Variants in SLC14A2 observed in about 807,000 individuals in gnomAD.
SLC14A2 encodes urea transporter 2.
SLC14A2 carries 91 observed loss-of-function variants against 104.6 expected under a neutral mutation model. The ratio of observed to expected loss-of-function variants is 0.87; its 90% confidence interval spans 0.73 to 1.04. The LOEUF is 1.04. SLC14A2 is among the 50% of genes least tolerant of loss of function. The pLI, the probability that SLC14A2 is intolerant of heterozygous loss-of-function variation, is 0.00. For missense variants in SLC14A2, 1,189 were observed against 1,156.0 expected, an observed-to-expected ratio of 1.03 and a Z score of -0.41; for synonymous variants, 476 against 466.4, an observed-to-expected ratio of 1.02 and a Z score of -0.27.
At chr18:45,314,562 T>A (rs974920010) in intron 1 of SLC14A2, among the ~76,000 whole-genome samples, 4 of 152,198 alleles carry the variant, frequency 2.6e-5, no homozygotes, top group African/African-American at 9.7e-5. Context: ...TATGACCCTA[T>A]GTCTGTTGCC....
chr18:45,480,608 C>A (rs2087473202), intron 1 of SLC14A2, among the ~76,000 whole-genome samples: 1 of 152,200 alleles, frequency 6.6e-6, no homozygotes, highest in Admixed American at 6.5e-5. Context: ...AACAAGCACA[C>A]ATTGAGATTA....
intron 16 of SLC14A2, among the ~76,000 whole-genome samples, chr18:45,671,318 T>C (rs934633460): frequency 2.6e-5 from 4 of 152,288 alleles, no homozygotes; most frequent in Non-Finnish European, 4.4e-5. Flanking sequence ...AAATTCAATT[T>C]TGTGGCATTA....
At chr18:45,432,864 G>T (rs980731338) in intron 1 of SLC14A2, among the ~76,000 whole-genome samples, 20 of 152,148 alleles carry the variant, frequency 1.3e-4, no homozygotes, top group African/African-American at 4.8e-4. Flanking sequence ...TTAGGGGCAA[G>T]AGTTTGTCTG....
At chr18:45,172,669 C>T in the SLC14A2 span, among the ~76,000 whole-genome samples, 1 of 151,988 alleles carries the variant, frequency 6.6e-6, no homozygotes, top group African/African-American at 2.4e-5. Context: ...TATTAGGAAA[C>T]CAAAACTCAG....
chr18:45,493,499 C>T (rs2043037592), intron 2 of SLC14A2, among the ~76,000 whole-genome samples: 1 of 152,158 alleles, frequency 6.6e-6, no homozygotes, highest in Admixed American at 6.5e-5. Flanking sequence ...CTAATACTAA[C>T]CCACTGTGTG....
At chr18:45,451,836 G>A (rs1052017314) in intron 1 of SLC14A2, among the ~76,000 whole-genome samples, 1 of 152,078 alleles carries the variant, frequency 6.6e-6, no homozygotes, top group African/African-American at 2.4e-5. Flanking sequence ...AAAAGACCAA[G>A]TACATTCTGT....
intron 1 of SLC14A2, among the ~76,000 whole-genome samples, chr18:45,304,762 A>G (rs2085001310): frequency 6.6e-6 from 1 of 152,202 alleles, no homozygotes; most frequent in African/African-American, 2.4e-5. Flanking sequence ...TGAGATGTAG[A>G]TAACAGTCAG....
chr18:45,663,038 C>G lies in SLC14A2; in HGVS notation c.1352-747C>G, dbSNP rs149890997. Among the ~76,000 whole-genome samples, 1,334 of 152,334 alleles carry G rather than the reference C, an allele frequency of 8.8e-3. 26 individuals carry two copies. The highest frequency in any genetic ancestry group is 0.03 in the African/African-American group (1,252 of 41,574). On this transcript the variant is annotated intron_variant, in intron 10 of 19. Coordinates refer to ENST00000255226, the MANE Select transcript of SLC14A2 (RefSeq NM_007163.4). Reference sequence around the variant, plus strand: ...TGTGAAAACTGAACATAATAAGGTACAGCAGAGTGCTTCTTGTAGCTGATT... The same window carrying G: ...TGTGAAAACTGAACATAATAAGGTAGAGCAGAGTGCTTCTTGTAGCTGATT...
chr18:45,212,318 C>T (rs919635972), upstream of SLC14A2, among the ~76,000 whole-genome samples: 3 of 152,184 alleles, frequency 2.0e-5, no homozygotes, highest in African/African-American at 7.2e-5. Context: ...TGAGGTATAA[C>T]TGTATTATGG....
chr18:45,277,723 A>T (rs1568131937), intron 1 of SLC14A2, among the ~76,000 whole-genome samples: 1 of 152,204 alleles, frequency 6.6e-6, no homozygotes. Flanking sequence ...TAGTTTGTCT[A>T]AGCCTCAGTT....
chr18:45,192,326 T>C, the SLC14A2 span, among the ~76,000 whole-genome samples: 3 of 152,234 alleles, frequency 2.0e-5, no homozygotes, highest in African/African-American at 7.2e-5. Context: ...TTTTGACATA[T>C]GTATATATGG....
chr18:45,542,044 T>G (rs1015088059), intron 2 of SLC14A2, among the ~76,000 whole-genome samples: 6 of 120,900 alleles, frequency 5.0e-5, no homozygotes, highest in African/African-American at 1.2e-4. Flanking sequence ...GGTTTTTTTT[T>G]TTTTTTTTTT....
intron 1 of SLC14A2, among the ~76,000 whole-genome samples, chr18:45,419,011 A>G (rs4622609): frequency 0.37 from 55,991 of 152,176 alleles, 12,060 homozygotes; most frequent in Non-Finnish European, 0.48. Flanking sequence ...CTGAAGCACC[A>G]AAGATACTGC....
Position 45,269,063 on chromosome 18 carries a change from C to T in SLC14A2, c.-125+55872C>T, listed in dbSNP as rs2084623626. 6.6e-5 allele frequency among the ~76,000 whole-genome samples: 10 copies of T among 151,616 alleles called. 1 individual carries two copies. In the South Asian group the frequency reaches 2.1e-3, roughly 32 times the overall value. ...AAGGAGGGAAATCCTGAGGGGGATTCCTTCTTCCCAAAAGAAACCTGAATG... is the reference window on the plus strand; with the variant it reads ...AAGGAGGGAAATCCTGAGGGGGATTTCTTCTTCCCAAAAGAAACCTGAATG... On this transcript the variant is annotated intron_variant, in intron 1 of 20. Coordinates refer to the SLC14A2 transcript ENST00000586448.
At chr18:45,213,296 A>G (rs770525369) in intron 1 of SLC14A2, 1 of 152,154 alleles carries the variant, frequency 6.6e-6, no homozygotes, top group Non-Finnish European at 1.5e-5. Context: ...ATTTAGGAAT[A>G]TTTTATATAT....
chr18:45,475,727 T>C (rs1260206612), intron 1 of SLC14A2, among the ~76,000 whole-genome samples: 1 of 144,536 alleles, frequency 6.9e-6, no homozygotes, highest in African/African-American at 2.5e-5. Context: ...CCCTTTACCA[T>C]TATGTAATGC....
chr18:45,544,937 C>T (rs2043948224), intron 2 of SLC14A2, among the ~76,000 whole-genome samples: 1 of 151,844 alleles, frequency 6.6e-6, no homozygotes, highest in Non-Finnish European at 1.5e-5. Flanking sequence ...GGATTACAGG[C>T]ATGCAACACC....
intron 2 of SLC14A2, among the ~76,000 whole-genome samples, chr18:45,509,026 C>T (rs2043326965): frequency 6.6e-6 from 1 of 152,194 alleles, no homozygotes; most frequent in African/African-American, 2.4e-5. Flanking sequence ...TGGCCCCAAA[C>T]TCAGGGACTT....
At chr18:45,564,623 G>A (rs897102490) in intron 2 of SLC14A2, among the ~76,000 whole-genome samples, 1 of 152,232 alleles carries the variant, frequency 6.6e-6, no homozygotes, top group Non-Finnish European at 1.5e-5. Context: ...AATGAGGAAG[G>A]GGATGCCAGG....
Sources: allele counts gnomAD v4.1 joint callset (sites outside exome capture counted in the v4.1 genomes callset), GRCh38; gene constraint gnomAD v4.1.1; transcripts MANE v1.5; gene names NCBI Gene and HGNC (gene_info 2026-07-23, HGNC 2026-07-21).